The following TDRD12 variants were observed in gnomAD, a reference collection of about 807,000 sequenced individuals.
TDRD12 encodes tudor domain containing 12.
In TDRD12, 158 loss-of-function variants were observed where a neutral mutation model predicts 133.5. That is an observed-to-expected ratio of 1.18 (90% CI 1.04 to 1.35). The LOEUF is 1.35. Ranked by LOEUF, TDRD12 falls within the 40% of genes most tolerant of loss-of-function variation. The probability of loss-of-function intolerance (pLI) is 0.00; values close to 1 mark genes in which losing one functional copy is unlikely to be tolerated. For synonymous variants in TDRD12, 460 were observed against 477.9 expected (o/e 0.96, Z 0.49); for missense variants, 1,443 against 1,321.3 (o/e 1.09, Z -1.43).
chr19:32,742,774 T>G lies in TDRD12; in HGVS notation c.321-7T>G. The stretch of plus-strand genomic sequence containing the variant: ...TATAATGGAGCTGTTTCTGTTTTAC[T>G]TTTTAGCATCCGAGTTGTAGTAGAA... On this transcript the variant is annotated splice_polypyrimidine_tract_variant and splice_region_variant and intron_variant, in intron 3 of 27. Transcript: ENST00000444215. 2 of 1,550,736 alleles carry G rather than the reference T, an allele frequency of 1.3e-6. No individual in the cohort carries two copies. The highest frequency in any genetic ancestry group is 2.4e-5 in the South Asian group (2 of 83,540).
intron 6 of TDRD12, among the ~76,000 whole-genome samples, chr19:32,754,628 T>G (rs965273620): frequency 2.6e-5 from 4 of 151,184 alleles, no homozygotes; most frequent in Non-Finnish European, 5.9e-5. Flanking sequence ...AAAGTAGATC[T>G]CTTTCTAACC....
intron 21 of TDRD12, among the ~76,000 whole-genome samples, chr19:32,804,100 T>G (rs1238508052): frequency 6.6e-6 from 1 of 151,828 alleles, no homozygotes; most frequent in Non-Finnish European, 1.5e-5. Context: ...TGAGATGGAG[T>G]TTCACTCTGT....
chr19:32,748,467 C>G lies in TDRD12; in HGVS notation c.441-9C>G. The G allele has an allele frequency of 6.4e-7, 1 of 1,550,616 alleles. No homozygotes were observed. The highest frequency in any genetic ancestry group is 8.7e-7 in the Non-Finnish European group (1 of 1,146,478). On this transcript the variant is annotated splice_polypyrimidine_tract_variant and intron_variant, in intron 4 of 27. Transcript: ENST00000444215. Reference sequence around the variant, plus strand: ...TATGTAATGGAGTTGCATCTGTTCACTGTTCCAGACCTGCCAAGAAGTGGG... The same window carrying G: ...TATGTAATGGAGTTGCATCTGTTCAGTGTTCCAGACCTGCCAAGAAGTGGG...
chr19:32,722,091 A>C (rs1968701444), intron 1 of TDRD12, among the ~76,000 whole-genome samples: 1 of 152,112 alleles, frequency 6.6e-6, no homozygotes, highest in African/African-American at 2.4e-5. Flanking sequence ...AAGATTCACA[A>C]ATGTTTGAGG....
chr19:32,803,316 G>C (rs762341203), intron 21 of TDRD12, among the ~76,000 whole-genome samples, 174 bp downstream of exon 21: 1 of 152,234 alleles, frequency 6.6e-6, no homozygotes, highest in African/African-American at 2.4e-5. Context: ...AGGGCTGTCA[G>C]TGTTGATTAA....
chr19:32,772,011 A>T (rs924064821), intron 8 of TDRD12, among the ~76,000 whole-genome samples: 15 of 152,122 alleles, frequency 9.9e-5, no homozygotes, highest in African/African-American at 3.6e-4. Flanking sequence ...GCCATTTTAT[A>T]ATGCTCATGG....
intron 6 of TDRD12, among the ~76,000 whole-genome samples, chr19:32,751,666 A>G (rs1311580330): frequency 1.6e-4 from 24 of 150,212 alleles, no homozygotes; most frequent in Non-Finnish European, 3.0e-5. Context: ...TGCAGCCTCA[A>G]CCTCCTGGGC....
chr19:32,828,531 T>C (rs1408507911), exon 10 of TDRD12: 1 of 147,920 alleles, frequency 6.8e-6, no homozygotes, highest in Non-Finnish European at 1.5e-5. Flanking sequence ...GTGCACTCTG[T>C]GTCTTGTTTA....
chr19:32,787,004 C>T (rs932408247), intron 11 of TDRD12, among the ~76,000 whole-genome samples: 10 of 152,108 alleles, frequency 6.6e-5, no homozygotes, highest in African/African-American at 1.2e-4. Context: ...GGAGAAGAGA[C>T]GTTCTGGTTT....
intron 2 of TDRD12, among the ~76,000 whole-genome samples, chr19:32,734,904 C>G (rs1969180180): frequency 6.6e-6 from 1 of 152,018 alleles, no homozygotes. Context: ...GGCCAGTGAT[C>G]TTTGAGGTTA....
chr19:32,800,404 T>G (rs1971354233), intron 17 of TDRD12, 46 bp downstream of exon 17: 1 of 1,369,812 alleles, frequency 7.3e-7, no homozygotes, highest in Non-Finnish European at 9.6e-7. Flanking sequence ...TGTGTGTGTA[T>G]GTGTTGGTGG....
At chr19:32,800,413 G>A in intron 17 of TDRD12, 55 bp downstream of exon 17, 2 of 1,318,728 alleles carry the variant, frequency 1.5e-6, no homozygotes, top group Non-Finnish European at 2.0e-6. Context: ...ATGTGTTGGT[G>A]GGGGGCTGAT....
intron 11 of TDRD12, among the ~76,000 whole-genome samples, chr19:32,788,055 A>G (rs1460404720): frequency 1.3e-5 from 2 of 151,442 alleles, no homozygotes; most frequent in Non-Finnish European, 2.9e-5. Flanking sequence ...AGCTGTTCCT[A>G]TTTGGCCATC....
At chr19:32,735,582 A>G (rs1353694505) in intron 2 of TDRD12, among the ~76,000 whole-genome samples, 1 of 152,238 alleles carries the variant, frequency 6.6e-6, no homozygotes, top group African/African-American at 2.4e-5. Flanking sequence ...AGCTATGATC[A>G]TTGTTGAAAG....
At chr19:32,720,240 C>T in intron 1 of TDRD12, 144 bp downstream of exon 1, 1 of 763,584 alleles carries the variant, frequency 1.3e-6, no homozygotes. Context: ...ACCCCCGACC[C>T]CAACCCTACA....
intron 22 of TDRD12, among the ~76,000 whole-genome samples, chr19:32,807,939 AGT>A (rs1966883620): frequency 6.6e-6 from 1 of 152,178 alleles, no homozygotes; most frequent in Non-Finnish European, 1.5e-5. Context: ...AAAATAATGC[AGT>A]GACTGGGCAC....
At chr19:32,720,325 C>G (rs574481448) in intron 1 of TDRD12, among the ~76,000 whole-genome samples, 71 of 87,782 alleles carry the variant, frequency 8.1e-4, no homozygotes, top group Non-Finnish European at 1.4e-3. Flanking sequence ...GCATCCCCCC[C>G]ATGTCCACTC....
downstream of TDRD12, chr19:32,826,122 G>GT: frequency 6.5e-7 from 1 of 1,535,768 alleles, no homozygotes; most frequent in Non-Finnish European, 8.7e-7. Flanking sequence ...AACACTGAAG[G>GT]TGCCTTCATT....
chr19:32,777,842 TATATATATATATATA>T (rs1384362270), intron 11 of TDRD12, among the ~76,000 whole-genome samples: 8 of 15,588 alleles, frequency 5.1e-4, no homozygotes, highest in East Asian at 2.0e-3. Context: ...TATATATATA[TATATATATATATATA>T]TTTTTTTTTT....
Sources: gnomAD v4.1 joint callset for allele counts (sites outside exome capture counted in the v4.1 genomes callset) on GRCh38, gnomAD v4.1.1 for gene constraint, MANE v1.5 for transcripts, NCBI Gene and HGNC (gene_info 2026-07-23, HGNC 2026-07-21) for gene names.